The following ZNF714 variants were observed in gnomAD, a reference collection of about 807,000 sequenced individuals.
The protein encoded by ZNF714 is zinc finger protein 714.
A neutral mutation model predicts 46.2 loss-of-function variants in ZNF714; 32 were observed. The ratio of observed to expected loss-of-function variants is 0.69; its 90% CI spans 0.52 to 0.93. ZNF714 has a LOEUF of 0.93. Among genes scored for constraint, ZNF714 ranks in the 40% least tolerant of loss-of-function variants. The probability of loss-of-function intolerance (pLI) is 0.00; values close to 1 mark genes in which losing one functional copy is unlikely to be tolerated. For missense variants in ZNF714, 635 were observed against 646.3 expected (o/e 0.98, Z 0.19); for synonymous variants, 199 against 213.1 (o/e 0.93, Z 0.58).
At position 21,091,608 on chromosome 19, in the gene ZNF714, A is replaced by G. The variant is rs530255548; in HGVS notation, c.-84-6577A>G. Reference sequence around the variant, plus strand: ...TTCTTTCCATAAACTATTTCTAGAGAACACAAAGGATGAAGGATTTTATTA... The same window carrying G: ...TTCTTTCCATAAACTATTTCTAGAGGACACAAAGGATGAAGGATTTTATTA... On this transcript the variant is annotated intron_variant, in intron 2 of 4. Coordinates refer to ENST00000456283, the MANE Select transcript of ZNF714 (RefSeq NM_182515.4). 3 of 152,068 alleles carry G rather than the reference A, an allele frequency of 2.0e-5. No individual in the cohort carries two copies. The East Asian group carries it at 5.8e-4, about 29-fold the overall frequency. The allele number at this position is 152,068 out of a possible 1,614,324, so 9.4% of individuals were successfully genotyped here.
chr19:21,118,018 C>A lies in ZNF714; in HGVS notation c.1354C>A (p.Pro452Thr), dbSNP rs182226945. Reference protein sequence around the residue: ...THKRIHTGEKPYKCEECGKAF... With the variant: ...THKRIHTGEKTYKCEECGKAF... ...TAAGAGAATTCACACTGGAGAGAAA[C>A]CCTACAAATGTGAAGAATGTGGCAA... Residue 452 changes from proline (P) to threonine (T), a missense_variant, in exon 5 of 5, where the codon CCC (proline) becomes ACC (threonine). Transcript: ENST00000456283. The A allele has an allele frequency of 8.1e-6, 13 of 1,613,632 alleles. No individual in the cohort carries two copies. The highest frequency in any genetic ancestry group is 1.0e-5 in the Non-Finnish European group (12 of 1,179,962).
At chr19:21,103,156 C>T (rs529328574) in intron 4 of ZNF714, among the ~76,000 whole-genome samples, 26 of 143,670 alleles carry the variant, frequency 1.8e-4, no homozygotes, top group Non-Finnish European at 4.1e-4. Flanking sequence ...TATATATTTC[C>T]TTTGTGTGAG....
At chr19:21,102,255 G>C (rs2144850192) in intron 4 of ZNF714, among the ~76,000 whole-genome samples, 1 of 152,168 alleles carries the variant, frequency 6.6e-6, no homozygotes, top group South Asian at 2.1e-4. Context: ...TGTAATTTTA[G>C]ATTTGGACAT....
At chr19:21,101,464 T>C (rs1480466423) in intron 4 of ZNF714, among the ~76,000 whole-genome samples, 1 of 152,154 alleles carries the variant, frequency 6.6e-6, no homozygotes, top group Non-Finnish European at 1.5e-5. Flanking sequence ...CTTTGATCTG[T>C]AGGGCAGACA....
chr19:21,100,822 C>T (rs1291634577), intron 4 of ZNF714, among the ~76,000 whole-genome samples: 3 of 152,012 alleles, frequency 2.0e-5, no homozygotes, highest in African/African-American at 7.2e-5. Flanking sequence ...ATGATTCTCC[C>T]GTAGCCTCTC....
rs759057969 is a variant in ZNF714, at chr19:21,119,168, G to C, written c.*836G>C. ...GCCTATAATCCCAGCACTTTGGTAGGCCAAGGCAGGTGGATCATGAGGTCA... is the reference window on the plus strand; with the variant it reads ...GCCTATAATCCCAGCACTTTGGTAGCCCAAGGCAGGTGGATCATGAGGTCA... On this transcript the variant is annotated 3_prime_UTR_variant, in exon 5 of 5. Coordinates refer to ENST00000456283, the MANE Select transcript of ZNF714 (RefSeq NM_182515.4). 1.1e-5 allele frequency: 5 copies of C among 438,324 alleles called. No homozygotes were observed. The highest frequency in any genetic ancestry group is 8.1e-5 in the South Asian group (5 of 62,100). 27.2% of individuals were successfully genotyped at this position (438,324 alleles called of 1,614,324 possible).
rs1014523097 is a variant in ZNF714, at chr19:21,082,335, G to A, written c.-190G>A. 2.1e-6 allele frequency: 3 copies of A among 1,456,370 alleles called. No homozygotes were observed. The highest frequency in any genetic ancestry group is 2.8e-6 in the Non-Finnish European group (3 of 1,076,996). The allele number at this position is 1,456,370 out of a possible 1,614,324, so 90.2% of individuals were successfully genotyped here. On this transcript the variant is annotated 5_prime_UTR_variant, in exon 1 of 5. Coordinates refer to ENST00000456283, the MANE Select transcript of ZNF714 (RefSeq NM_182515.4). ...CACAGCTAAGACGCCAGGTACCCCG[G>A]AAGCCTAGAAATGGTGAGAGTGCCG...
chr19:21,101,759 T>C (rs1568277236), intron 4 of ZNF714, among the ~76,000 whole-genome samples: 1 of 152,200 alleles, frequency 6.6e-6, no homozygotes, highest in Non-Finnish European at 1.5e-5. Flanking sequence ...AGACTGTAAC[T>C]GGGAGGAGTT....
intron 2 of ZNF714, among the ~76,000 whole-genome samples, chr19:21,087,619 C>G (rs980051849): frequency 6.6e-6 from 1 of 152,110 alleles, no homozygotes; most frequent in African/African-American, 2.4e-5. Context: ...AAGAGTAGAT[C>G]AGTGCTTTAA....
chr19:21,098,141 C>T, intron 2 of ZNF714, 44 bp from the exon 3 acceptor site: 1 of 1,551,682 alleles, frequency 6.4e-7, no homozygotes, highest in Non-Finnish European at 8.6e-7. Context: ...CTGCCCATGG[C>T]CACTTGGTAA....
intron 4 of ZNF714, among the ~76,000 whole-genome samples, chr19:21,115,189 G>A (rs1198690970): frequency 6.6e-6 from 1 of 151,196 alleles, no homozygotes; most frequent in African/African-American, 2.4e-5. Flanking sequence ...TGTCATTGAT[G>A]TTGCTAATCA....
chr19:21,084,241 A>T (rs545755218), intron 2 of ZNF714, among the ~76,000 whole-genome samples, 172 bp downstream of exon 2: 1 of 152,116 alleles, frequency 6.6e-6, no homozygotes, highest in Non-Finnish European at 1.5e-5. Flanking sequence ...AAAGAAAAAA[A>T]AAATCAAGCA....
intron 2 of ZNF714, among the ~76,000 whole-genome samples, chr19:21,085,438 T>G (rs1968753073): frequency 6.6e-6 from 1 of 152,154 alleles, no homozygotes; most frequent in African/African-American, 2.4e-5. Context: ...CATAAAGGAG[T>G]AGATACTTTT....
chr19:21,099,026 G>GC, intron 4 of ZNF714, 116 bp downstream of exon 4: 1 of 535,430 alleles, frequency 1.9e-6, no homozygotes, highest in Non-Finnish European at 3.1e-6. Context: ...AAAGTATATA[G>GC]TTTCTGGGAA....
At chr19:21,092,769 G>C (rs187832849) in intron 2 of ZNF714, among the ~76,000 whole-genome samples, 3 of 151,918 alleles carry the variant, frequency 2.0e-5, no homozygotes, top group African/African-American at 4.8e-5. Context: ...AGTGTCTGTC[G>C]TTCTCCTCTT....
In ZNF714 at chr19:21,117,458, C is replaced by A; in HGVS notation, c.794C>A (p.Ala265Asp). The change falls in exon 5 of 5, where the codon GCT (alanine) becomes GAT (aspartate). Residue 265 changes from alanine to aspartate, a missense_variant. Physicochemically the swap from Ala to Asp is moderately radical, Grantham distance 126. Coordinates refer to ENST00000456283, the MANE Select transcript of ZNF714 (RefSeq NM_182515.4). ...KPFKCEECGK[A>D]FNHPSALTTH... Reference sequence around the variant, plus strand: ...TTCAAATGTGAAGAATGTGGTAAAGCTTTTAACCACCCTTCAGCCCTTACT... The same window carrying A: ...TTCAAATGTGAAGAATGTGGTAAAGATTTTAACCACCCTTCAGCCCTTACT... 1.2e-6 allele frequency: 2 copies of A among 1,611,660 alleles called. No homozygotes were observed. Among genetic ancestry groups the A allele is most frequent in the Non-Finnish European group, 1.7e-6 (2 of 1,178,666 alleles).
rs1969764290 is a variant in ZNF714, at chr19:21,124,619, C to A, written c.*6287C>A. ...ATAGTTAACATTTTTGTGGTGAGAC[C>A]ACGTCTTATCATTTTTCAAAAATCC... On this transcript the variant is annotated 3_prime_UTR_variant, in exon 5 of 5. Coordinates refer to ENST00000456283, the MANE Select transcript of ZNF714 (RefSeq NM_182515.4). Among the ~76,000 whole-genome samples the A allele has an allele frequency of 6.6e-6, 1 of 151,942 alleles. No homozygotes were observed. The highest frequency in any genetic ancestry group is 1.5e-5 in the Non-Finnish European group (1 of 67,982).
intron 2 of ZNF714, among the ~76,000 whole-genome samples, chr19:21,090,164 G>A (rs1968876434): frequency 6.6e-6 from 1 of 152,190 alleles, no homozygotes; most frequent in African/African-American, 2.4e-5. Context: ...TCAACTTGAG[G>A]CCTCTGGGCA....
chr19:21,090,267 G>A (rs73535730), intron 2 of ZNF714, among the ~76,000 whole-genome samples: 5,975 of 152,248 alleles, frequency 0.039, 387 homozygotes, highest in African/African-American at 0.14. Context: ...GAGCTCAGGG[G>A]GCCAGAGAAA....
Sources: gnomAD v4.1 joint callset for allele counts (sites outside exome capture counted in the v4.1 genomes callset) on GRCh38, gnomAD v4.1.1 for gene constraint, MANE v1.5 for transcripts, NCBI Gene and HGNC (gene_info 2026-07-23, HGNC 2026-07-21) for gene names.